The following CUBN variants were observed in gnomAD, a reference collection of about 807,000 sequenced individuals.
CUBN encodes 460 kDa receptor.
CUBN carries 282 observed loss-of-function variants against 405.3 expected under a neutral mutation model. That is an observed-to-expected ratio of 0.70 (90% CI 0.63 to 0.77). CUBN has a LOEUF of 0.77. Among genes scored for constraint, CUBN ranks in the 30% least tolerant of loss-of-function variants. The probability of loss-of-function intolerance (pLI) is 0.00; values close to 1 mark genes in which losing one functional copy is unlikely to be tolerated. For synonymous variants in CUBN, 1,684 were observed against 1,617.0 expected (o/e 1.04, Z -0.99); for missense variants, 4,514 against 4,475.2 (o/e 1.01, Z -0.25).
rs934390309 is a variant in CUBN, at chr10:16,990,392, A to G, written c.4292T>C (p.Leu1431Pro). ...CTCCACATCGAAGTCATGGATGGTG[A>G]GCTGAATGCTACTCCCGGGGTCCGT... is the stretch of plus-strand genomic sequence containing the variant. ...IRTDPGSSIQ[L>P]TIHDFDVEYH... Residue 1431 changes from leucine (L) to proline (P), a missense_variant, in exon 29 of 67, where the codon CTC becomes CCC. Leu to Pro is a moderately conservative substitution (Grantham distance 98). Transcript: ENST00000377833. 3 of 1,614,048 alleles carry G rather than the reference A, an allele frequency of 1.9e-6. No individual in the cohort carries two copies. Among genetic ancestry groups the G allele is most frequent in the African/African-American group, 2.7e-5 (2 of 74,924 alleles).
chr10:16,855,343 G>A (rs1299947723), intron 59 of CUBN, among the ~76,000 whole-genome samples: 2 of 151,950 alleles, frequency 1.3e-5, no homozygotes, highest in African/African-American at 4.8e-5. Flanking sequence ...TTAGCCCTAC[G>A]ACTTGCTTTA....
At chr10:17,053,575 A>C (rs887540575) in intron 22 of CUBN, among the ~76,000 whole-genome samples, 2 of 152,108 alleles carry the variant, frequency 1.3e-5, no homozygotes, top group Non-Finnish European at 2.9e-5. Context: ...AAAATACACG[A>C]AGGAAAGTGA....
intron 59 of CUBN, among the ~76,000 whole-genome samples, chr10:16,864,904 C>G (rs1004810202): frequency 6.7e-6 from 1 of 150,174 alleles, no homozygotes; most frequent in African/African-American, 2.5e-5. Context: ...CACACCTCGG[C>G]CTCCCAAAGT....
intron 36 of CUBN, 85 bp downstream of exon 36, chr10:16,947,148 CTA>C: frequency 1.4e-6 from 2 of 1,379,636 alleles, no homozygotes; most frequent in East Asian, 4.6e-5. Flanking sequence ...TTCACGTACA[CTA>C]TGAGTTGCCC....
At chr10:17,117,785 T>C (rs1181270220) in intron 6 of CUBN, among the ~76,000 whole-genome samples, 1 of 152,206 alleles carries the variant, frequency 6.6e-6, no homozygotes, top group Non-Finnish European at 1.5e-5. Context: ...CTGGGAGATC[T>C]GAGTGTTTGG....
rs1205051708 is a variant in CUBN at position 16,917,751 on chromosome 10, T to C, written c.7000+871A>G. On this transcript the variant is annotated intron_variant, in intron 45 of 66. Coordinates refer to ENST00000377833, the MANE Select transcript of CUBN (RefSeq NM_001081.4). ...AGAGAAATTAAAGTTGATTAATGACTGTAGTTTCAAACATTTACACTCCTT... is the reference window on the plus strand; with the variant it reads ...AGAGAAATTAAAGTTGATTAATGACCGTAGTTTCAAACATTTACACTCCTT... Among the ~76,000 whole-genome samples the C allele has an allele frequency of 2.6e-5, 4 of 152,338 alleles. No individual in the cohort carries two copies. The East Asian group carries it at 5.8e-4, about 22-fold the overall frequency.
intron 22 of CUBN, among the ~76,000 whole-genome samples, chr10:17,049,332 C>A (rs1835209990): frequency 6.6e-6 from 1 of 152,156 alleles, no homozygotes; most frequent in Non-Finnish European, 1.5e-5. Flanking sequence ...GAGCTTTGGC[C>A]AGTAAATCAA....
At chr10:16,997,564 A>T (rs954726410) in intron 28 of CUBN, among the ~76,000 whole-genome samples, 1 of 152,218 alleles carries the variant, frequency 6.6e-6, no homozygotes, top group African/African-American at 2.4e-5. Context: ...GGGAAGGCCC[A>T]ACCCAAGGCA....
At chr10:17,075,649 A>C (rs1835842169) in intron 17 of CUBN, among the ~76,000 whole-genome samples, 1 of 152,202 alleles carries the variant, frequency 6.6e-6, no homozygotes, top group African/African-American at 2.4e-5. Context: ...TTAAATAAAT[A>C]ATGATTCAGC....
intron 30 of CUBN, among the ~76,000 whole-genome samples, chr10:16,983,418 T>C (rs1026940229): frequency 6.6e-6 from 1 of 152,212 alleles, no homozygotes; most frequent in Non-Finnish European, 1.5e-5. Flanking sequence ...GTTTTCTAGC[T>C]GTGGAACTTT....
At chr10:17,000,701 G>A (rs1371149804) in intron 28 of CUBN, among the ~76,000 whole-genome samples, 4 of 152,138 alleles carry the variant, frequency 2.6e-5, no homozygotes, top group Non-Finnish European at 5.9e-5. Flanking sequence ...CTTATTGCAC[G>A]GCCTTTGAGT....
rs189294363 is a variant in CUBN at position 17,043,833 on chromosome 10, G to T, written c.3823C>A (p.Arg1275=). The T allele has an allele frequency of 2.2e-5, 35 of 1,612,972 alleles. No individual in the cohort carries two copies. In the East Asian group the frequency reaches 7.6e-4, roughly 35 times the overall value. The change falls in exon 26 of 67, where the codon CGG becomes AGG. Residue 1275 remains arginine (R), a synonymous_variant. Coordinates refer to ENST00000377833, the MANE Select transcript of CUBN (RefSeq NM_001081.4). ...QQGRGFKAEY[R]QTCENVVIVN... is the part of the protein sequence containing the mutation. ...TGCCGGTATTCACACTTACTCTGCCGGTATTCAGCCTTGAAGCCACGTCCT... is the reference window on the plus strand; with the variant it reads ...TGCCGGTATTCACACTTACTCTGCCTGTATTCAGCCTTGAAGCCACGTCCT...
At chr10:16,983,996 A>T in intron 30 of CUBN, 109 bp downstream of exon 30, 1 of 1,223,000 alleles carries the variant, frequency 8.2e-7, no homozygotes, top group Non-Finnish European at 1.2e-6. Flanking sequence ...GCCCTTTGGG[A>T]TGTCACTAAG....
At chr10:17,127,969 TATC>T in intron 2 of CUBN, 45 bp from the exon 3 acceptor site, 1 of 1,245,904 alleles carries the variant, frequency 8.0e-7, no homozygotes. Context: ...CTAGTGAAAA[TATC>T]ATATTTATCT....
Position 16,824,891 on chromosome 10 carries a change from G to A in CUBN, c.*84C>T. The A allele has an allele frequency of 1.1e-6, 1 of 907,814 alleles. No individual in the cohort carries two copies. The highest frequency in any genetic ancestry group is 1.8e-6 in the Non-Finnish European group (1 of 547,508). The allele number at this position is 907,814 out of a possible 1,614,324, so 56.2% of individuals were successfully genotyped here. A position where few individuals can be genotyped will look rare whatever the true frequency, so the allele number is the denominator to read the frequency against. On this transcript the variant is annotated 3_prime_UTR_variant, in exon 67 of 67. Transcript: ENST00000377833. ...GTTCAGCTTATTCTCTGTGGCATCAGCAGGGGTCATGTATCAGGATGGCAG... is the reference window on the plus strand; with the variant it reads ...GTTCAGCTTATTCTCTGTGGCATCAACAGGGGTCATGTATCAGGATGGCAG...
At chr10:16,854,024 T>A (rs1291541150) in intron 59 of CUBN, among the ~76,000 whole-genome samples, 2 of 152,172 alleles carry the variant, frequency 1.3e-5, no homozygotes, top group Non-Finnish European at 2.9e-5. Flanking sequence ...TAGAAAATGA[T>A]AGGTTCAGTA....
In CUBN at chr10:17,092,889, T is replaced by G. The variant is rs931626723; in HGVS notation, c.1766-4544A>C. ...TTCTTTTATTTCTTTACTGTCTTAA[T>G]AAACTTGCTCTCACTTAAGAAAAAA... On this transcript the variant is annotated intron_variant, in intron 14 of 66. Coordinates refer to ENST00000377833, the MANE Select transcript of CUBN (RefSeq NM_001081.4). 5.3e-5 allele frequency among the ~76,000 whole-genome samples: 8 copies of G among 152,240 alleles called. No homozygotes were observed. The South Asian group carries it at 8.3e-4, about 16-fold the overall frequency.
intron 64 of CUBN, 50 bp downstream of exon 64, chr10:16,834,964 T>C (rs1319404724): frequency 6.5e-7 from 1 of 1,536,268 alleles, no homozygotes; most frequent in East Asian, 2.3e-5. Flanking sequence ...TCTTAAGTGA[T>C]CCACCATCTT....
chr10:16,888,431 G>C lies in CUBN; in HGVS notation c.8891C>G (p.Ser2964Cys), dbSNP rs148348845. Residue 2964 changes from serine to cysteine, a missense_variant, in exon 56 of 67, where the codon TCC becomes TGC. Physicochemically the swap from Ser to Cys is moderately radical, Grantham distance 112. Coordinates refer to ENST00000377833, the MANE Select transcript of CUBN (RefSeq NM_001081.4). The part of the protein sequence containing the change: ...PLSVVLLTFV[S>C]FHLEARSAVT... ...AATAAACTTACCTTCTAAGTGGAAG[G>C]ACACAAAAGTCAAGAGGACCACTGA... 132 of 1,613,104 alleles carry C rather than the reference G, an allele frequency of 8.2e-5. No individual in the cohort carries two copies. Among genetic ancestry groups the C allele is most frequent in the Non-Finnish European group, 1.1e-4 (125 of 1,179,212 alleles).
Sources: gnomAD v4.1 joint callset for allele counts (sites outside exome capture counted in the v4.1 genomes callset) on GRCh38, gnomAD v4.1.1 for gene constraint, MANE v1.5 for transcripts, NCBI Gene and HGNC (gene_info 2026-07-23, HGNC 2026-07-21) for gene names.